AXDND1: variants seen among roughly 807,000 people sequenced by gnomAD.
The protein encoded by AXDND1 is axonemal dynein light chain domain containing 1.
In AXDND1, 110 loss-of-function variants were observed where a neutral mutation model predicts 137.5. The observed-to-expected ratio is 0.80, with a 90% CI of 0.69 to 0.94. AXDND1 has a LOEUF of 0.94. AXDND1 is among the 40% of genes least tolerant of loss of function. The pLI is 0.00. For missense variants in AXDND1, 1,191 were observed against 1,169.8 expected, an observed-to-expected ratio of 1.02 and a Z score of -0.26; for synonymous variants, 414 against 399.7, an observed-to-expected ratio of 1.04 and a Z score of -0.43.
At position 179,368,834 on chromosome 1, in the gene AXDND1, G is replaced by A. The variant is rs1322824273; in HGVS notation, c.132G>A (p.Val44=). The change falls in exon 3 of 26, where the codon GTG becomes GTA. Residue 44 remains valine, a synonymous_variant. Transcript: ENST00000367618. The part of the protein sequence containing the change: ...LPELKEKKNM[V]DRSKLLPTSL... ...AGCTAAAGGAGAAAAAAAATATGGT[G>A]GATCGTTCAAAACTCCTTCCTACTT... 6.2e-7 allele frequency: 1 copy of A among 1,613,348 alleles called. No individual in the cohort carries two copies.
chr1:179,497,724 G>A (rs1460864819), intron 20 of AXDND1, among the ~76,000 whole-genome samples: 2 of 152,104 alleles, frequency 1.3e-5, no homozygotes, highest in Admixed American at 6.6e-5. Context: ...CAAGCTATCT[G>A]TCTTTGCTGA....
intron 17 of AXDND1, among the ~76,000 whole-genome samples, chr1:179,475,133 GGCAGAGGTCTGCT>G (rs1664451998): frequency 6.6e-6 from 1 of 152,240 alleles, no homozygotes; most frequent in African/African-American, 2.4e-5. Flanking sequence ...TGGATGTCCA[GGCAGAGGTCTGCT>G]GCAGAGGTAT....
intron 21 of AXDND1, among the ~76,000 whole-genome samples, chr1:179,519,123 G>A (rs1217946883): frequency 6.6e-6 from 1 of 152,136 alleles, no homozygotes; most frequent in Admixed American, 6.5e-5. Flanking sequence ...GTTTTGAGTT[G>A]TATTTCTCTA....
rs117087607 is a variant in AXDND1, at chr1:179,540,769, T to A, written c.3031+5807T>A. Among the ~76,000 whole-genome samples, 1,323 of 152,312 alleles carry A rather than the reference T, an allele frequency of 8.7e-3. 41 individuals are homozygous for A. The highest frequency in any genetic ancestry group is 0.055 in the Admixed American group (848 of 15,300). On this transcript the variant is annotated intron_variant, in intron 25 of 25. Coordinates refer to ENST00000367618, the MANE Select transcript of AXDND1 (RefSeq NM_144696.6). The stretch of plus-strand genomic sequence containing the variant: ...TTCAGAGCTGTCAGGCATTTAAGTC[T>A]GCTGAAGCTGTGCCCACCACTGCCC...
chr1:179,403,741 T>G (rs1338250348), intron 11 of AXDND1, among the ~76,000 whole-genome samples: 1 of 152,112 alleles, frequency 6.6e-6, no homozygotes, highest in African/African-American at 2.4e-5. Context: ...ACCCGGCTAA[T>G]TTTTGTATTT....
rs555871216 is a variant in AXDND1, at chr1:179,446,867, T to C, written c.1798+1663T>C. Among the ~76,000 whole-genome samples the C allele has an allele frequency of 5.3e-5, 8 of 151,806 alleles. No individual in the cohort carries two copies. The South Asian group carries it at 1.5e-3, about 28-fold the overall frequency. ...GAATAAATAAGTCATGTTTAATGCTTCTAGCCTGGTAAAATTAAAAATTAA... is the reference window on the plus strand; with the variant it reads ...GAATAAATAAGTCATGTTTAATGCTCCTAGCCTGGTAAAATTAAAAATTAA... On this transcript the variant is annotated intron_variant, in intron 16 of 25. Transcript: ENST00000367618.
In AXDND1 at chr1:179,415,123, C is replaced by T. The variant is rs927961544; in HGVS notation, c.1230+3857C>T. Among the ~76,000 whole-genome samples the T allele has an allele frequency of 2.6e-5, 4 of 152,306 alleles. No individual in the cohort carries two copies. In the East Asian group the frequency reaches 7.7e-4, roughly 29 times the overall value. ...TTGGGAGGCCAAGGCAAGTGGATCA[C>T]CTGAGGTTAGGAGCTCAAGACCAGC... On this transcript the variant is annotated intron_variant, in intron 12 of 25. Transcript: ENST00000367618.
At chr1:179,421,032 T>C (rs1655598734) in intron 12 of AXDND1, among the ~76,000 whole-genome samples, 1 of 148,118 alleles carries the variant, frequency 6.8e-6, no homozygotes, top group Admixed American at 6.9e-5. Flanking sequence ...TCTATTTGGG[T>C]ATCCCTTCCT....
intron 25 of AXDND1, chr1:179,552,549 T>G: frequency 7.2e-7 from 1 of 1,385,936 alleles, no homozygotes; most frequent in Non-Finnish European, 1.0e-6. Flanking sequence ...GGAAATGTTC[T>G]CCACGAGCAG....
intron 21 of AXDND1, among the ~76,000 whole-genome samples, chr1:179,510,373 T>C (rs888233430): frequency 5.3e-5 from 8 of 152,210 alleles, no homozygotes; most frequent in African/African-American, 1.9e-4. Context: ...ACTATACAGG[T>C]ATGATCTGAT....
At chr1:179,386,083 G>A (rs1170608477) in intron 9 of AXDND1, among the ~76,000 whole-genome samples, 59 of 121,426 alleles carry the variant, frequency 4.9e-4, no homozygotes, top group African/African-American at 1.8e-3. Context: ...AGACAGTCTC[G>A]CTCTGTCGCC....
At chr1:179,418,920 G>A (rs1464632537) in intron 12 of AXDND1, among the ~76,000 whole-genome samples, 11 of 150,360 alleles carry the variant, frequency 7.3e-5, no homozygotes, top group Admixed American at 5.3e-4. Flanking sequence ...GGGCAGAGAC[G>A]CTCCTCACCT....
chr1:179,482,032 T>C (rs1312860060), intron 17 of AXDND1, among the ~76,000 whole-genome samples: 2 of 151,980 alleles, frequency 1.3e-5, no homozygotes. Flanking sequence ...ACCCTTAGGT[T>C]TGAACATCTT....
chr1:179,446,715 G>A (rs778643660), intron 16 of AXDND1, among the ~76,000 whole-genome samples: 1 of 151,906 alleles, frequency 6.6e-6, no homozygotes, highest in Non-Finnish European at 1.5e-5. Flanking sequence ...TTATTATTGA[G>A]TTATAAGACT....
chr1:179,370,171 C>T (rs1667899565), intron 4 of AXDND1, 93 bp downstream of exon 4: 1 of 966,802 alleles, frequency 1.0e-6, no homozygotes, highest in Non-Finnish European at 1.6e-6. Context: ...TTAGAAAAAT[C>T]ACTGAATCAT....
intron 16 of AXDND1, chr1:179,456,251 G>T: frequency 1.3e-6 from 1 of 741,640 alleles, no homozygotes; most frequent in Non-Finnish European, 2.4e-6. Context: ...CATAGCTACT[G>T]CTGCTACTGG....
intron 16 of AXDND1, among the ~76,000 whole-genome samples, chr1:179,463,583 A>G (rs1233456902): frequency 6.6e-6 from 1 of 152,232 alleles, no homozygotes; most frequent in Non-Finnish European, 1.5e-5. Context: ...TGCTAAGAAG[A>G]ATGTATATTC....
rs570688774 is a variant in AXDND1, at chr1:179,394,147, C to A, written c.1004+104C>A. On this transcript the variant is annotated intron_variant, in intron 10 of 25. Coordinates refer to ENST00000367618, the MANE Select transcript of AXDND1 (RefSeq NM_144696.6). ...AGTGGAATGGTTAAAGGCCAAGGTT[C>A]TTCTGTTTCCTTTTCATGTTTAGCA... 18 of 1,156,982 alleles carry A rather than the reference C, an allele frequency of 1.6e-5. No individual in the cohort carries two copies. In the African/African-American group the frequency reaches 2.5e-4, roughly 16 times the overall value. The allele number at this position is 1,156,982 out of a possible 1,614,324, so 71.7% of individuals were successfully genotyped here.
At chr1:179,553,544 C>T (rs115815539) in intron 25 of AXDND1, among the ~76,000 whole-genome samples, 67 of 152,244 alleles carry the variant, frequency 4.4e-4, no homozygotes, top group African/African-American at 1.5e-3. Flanking sequence ...TGTGAAATGT[C>T]CAGAAGAGGC....
Sources: gnomAD v4.1 joint callset for allele counts (sites outside exome capture counted in the v4.1 genomes callset) on GRCh38, gnomAD v4.1.1 for gene constraint, MANE v1.5 for transcripts, NCBI Gene and HGNC (gene_info 2026-07-23, HGNC 2026-07-21) for gene names.